ERC1: variants seen among roughly 807,000 people sequenced by gnomAD.
ERC1 encodes the protein RAB6 interacting protein 2.
Under a neutral mutation model 132.0 loss-of-function variants are expected in ERC1, and 56 were observed. The ratio of observed to expected loss-of-function variants is 0.42; its 90% CI spans 0.34 to 0.53. ERC1 has a LOEUF of 0.53. ERC1 is among the 20% of genes least tolerant of loss of function. ERC1 has a pLI of 0.03. For missense variants in ERC1, 1,202 were observed against 1,349.9 expected, an observed-to-expected ratio of 0.89 and a Z score of 1.72; for synonymous variants, 478 against 476.1, an observed-to-expected ratio of 1.00 and a Z score of -0.05.
At chr12:1,031,433 A>G (rs1218805891) in intron 2 of ERC1, among the ~76,000 whole-genome samples, 1 of 152,182 alleles carries the variant, frequency 6.6e-6, no homozygotes, top group African/African-American at 2.4e-5. Context: ...GTTATTTTTA[A>G]TGCCTCCTAC....
At chr12:1,370,353 G>A (rs1471117578) in intron 15 of ERC1, among the ~76,000 whole-genome samples, 1 of 152,178 alleles carries the variant, frequency 6.6e-6, no homozygotes, top group Non-Finnish European at 1.5e-5. Flanking sequence ...TTCAAAGTGT[G>A]CAGATCATTG....
chr12:1,016,923 T>G (rs1162392773), intron 1 of ERC1, among the ~76,000 whole-genome samples: 2 of 152,154 alleles, frequency 1.3e-5, no homozygotes, highest in African/African-American at 4.8e-5. Flanking sequence ...ATTATTGGGA[T>G]TATAGGCGTG....
At chr12:1,146,308 G>GTTTT (rs1172108036) in intron 8 of ERC1, among the ~76,000 whole-genome samples, 611 of 31,642 alleles carry the variant, frequency 0.019, 49 homozygotes, top group African/African-American at 0.033. Context: ...TATTTTACTG[G>GTTTT]TTTTTTTTTT....
chr12:1,413,085 C>G (rs1476820300), intron 17 of ERC1, among the ~76,000 whole-genome samples: 1 of 152,168 alleles, frequency 6.6e-6, no homozygotes, highest in Non-Finnish European at 1.5e-5. Context: ...TCCATCACCA[C>G]AAGTTTCATC....
rs559052981 is a variant in ERC1 at position 1,147,326 on chromosome 12, G to C, written c.1737+5539G>C. ...TTGCTGAGGGTTTTAATCATAAAGG[G>C]ATGCTGGATTTTGTTAACTGCTTTT... On this transcript the variant is annotated intron_variant, in intron 8 of 18. Coordinates refer to ENST00000360905, the MANE Select transcript of ERC1 (RefSeq NM_178040.4). 3.7e-4 allele frequency among the ~76,000 whole-genome samples: 56 copies of C among 152,244 alleles called. No individual in the cohort carries two copies. In the South Asian group the frequency reaches 6.2e-3, roughly 17 times the overall value.
intron 13 of ERC1, among the ~76,000 whole-genome samples, chr12:1,243,173 G>A (rs1426662689): frequency 2.1e-5 from 3 of 141,036 alleles, no homozygotes; most frequent in African/African-American, 7.9e-5. Context: ...CGGCCTGGGC[G>A]ACAGAGCGAG....
chr12:1,224,210 T>C (rs139120382), intron 12 of ERC1, among the ~76,000 whole-genome samples: 101 of 152,338 alleles, frequency 6.6e-4, no homozygotes, highest in Admixed American at 1.6e-3. Flanking sequence ...AGTTAATTCA[T>C]GAATTCAGAA....
At chr12:1,013,848 C>T (rs1258802621) in intron 1 of ERC1, among the ~76,000 whole-genome samples, 1 of 152,156 alleles carries the variant, frequency 6.6e-6, no homozygotes, top group Non-Finnish European at 1.5e-5. Flanking sequence ...CTTACTGCTA[C>T]AGCCTCCCAA....
chr12:1,449,092 T>A (rs2093368696), intron 18 of ERC1, among the ~76,000 whole-genome samples: 1 of 152,234 alleles, frequency 6.6e-6, no homozygotes, highest in African/African-American at 2.4e-5. Context: ...GCCTGGGGCC[T>A]GTAGTCTCTT....
At chr12:1,213,994 A>G (rs769874020) in intron 12 of ERC1, among the ~76,000 whole-genome samples, 1 of 152,190 alleles carries the variant, frequency 6.6e-6, no homozygotes, top group African/African-American at 2.4e-5. Context: ...ATCATTGGAT[A>G]TGCTGCACTT....
chr12:1,126,764 C>T (rs1215928347), intron 7 of ERC1, among the ~76,000 whole-genome samples: 2 of 151,600 alleles, frequency 1.3e-5, no homozygotes, highest in African/African-American at 2.4e-5. Flanking sequence ...CTGAAGCGGG[C>T]GGATCATGAG....
intron 15 of ERC1, among the ~76,000 whole-genome samples, chr12:1,300,252 C>CT (rs1297608439): frequency 1.3e-5 from 2 of 152,196 alleles, no homozygotes; most frequent in African/African-American, 4.8e-5. Context: ...CCTGGGATAA[C>CT]TGCCTAGCCA....
intron 2 of ERC1, among the ~76,000 whole-genome samples, chr12:1,081,016 T>C (rs1421863813): frequency 6.6e-6 from 1 of 152,094 alleles, no homozygotes; most frequent in African/African-American, 2.4e-5. Context: ...CCCAGAAAGA[T>C]GGTGACATGT....
In ERC1 at chr12:1,116,789, G is replaced by A. The variant is rs147238859; in HGVS notation, c.1569+756G>A. The stretch of plus-strand genomic sequence containing the variant: ...GTGGAGATGGGGTTTCACCATATTG[G>A]CCAGGCTGGTCTCGAACTCCTGACC... On this transcript the variant is annotated intron_variant, in intron 7 of 18. Transcript: ENST00000360905. 5.8e-3 allele frequency among the ~76,000 whole-genome samples: 888 copies of A among 152,124 alleles called. 6 individuals carry two copies. The highest frequency in any genetic ancestry group is 9.7e-3 in the Non-Finnish European group (659 of 67,982).
At chr12:1,172,281 G>A (rs1447496316) in intron 8 of ERC1, among the ~76,000 whole-genome samples, 2 of 152,254 alleles carry the variant, frequency 1.3e-5, no homozygotes, top group African/African-American at 2.4e-5. Context: ...ACCAGCCTGG[G>A]CAATGTTGCA....
chr12:1,014,106 G>A (rs1965129748), intron 1 of ERC1, among the ~76,000 whole-genome samples: 1 of 151,770 alleles, frequency 6.6e-6, no homozygotes, highest in Admixed American at 6.6e-5. Flanking sequence ...GTGTAAATTA[G>A]TGCCGAATGG....
chr12:1,249,321 T>C (rs1459027511), intron 13 of ERC1, among the ~76,000 whole-genome samples: 2 of 152,200 alleles, frequency 1.3e-5, no homozygotes, highest in Admixed American at 6.5e-5. Context: ...ATAAAACATA[T>C]AGAAGCATAG....
At chr12:1,157,145 C>T (rs1336119260) in intron 8 of ERC1, among the ~76,000 whole-genome samples, 2 of 152,154 alleles carry the variant, frequency 1.3e-5, no homozygotes, top group Non-Finnish European at 2.9e-5. Flanking sequence ...CTCTGTCACC[C>T]AGGCTGGAGT....
chr12:1,286,985 C>A (rs7302582), intron 14 of ERC1, among the ~76,000 whole-genome samples: 1 of 151,948 alleles, frequency 6.6e-6, no homozygotes, highest in African/African-American at 2.4e-5. Flanking sequence ...CTAAGATGCT[C>A]TTGAAGAGAA....
Sources: allele counts gnomAD v4.1 joint callset (sites outside exome capture counted in the v4.1 genomes callset), GRCh38; gene constraint gnomAD v4.1.1; transcripts MANE v1.5; gene names NCBI Gene and HGNC (gene_info 2026-07-23, HGNC 2026-07-21).